AUTS2: variants seen among roughly 807,000 people sequenced by gnomAD.
AUTS2 encodes the protein autism susceptibility gene 2 protein.
A neutral mutation model predicts 112.4 loss-of-function variants in AUTS2; 17 were observed. That is an observed-to-expected ratio of 0.15 (90% CI 0.10 to 0.23). The LOEUF is 0.23. Among genes scored for constraint, AUTS2 ranks in the 10% least tolerant of loss-of-function variants. The pLI is 1.00. For missense variants in AUTS2, 1,510 were observed against 1,701.6 expected (o/e 0.89, Z 1.98); for synonymous variants, 751 against 702.7 (o/e 1.07, Z -1.09).
At chr7:69,704,942 C>T (rs1000324825) in intron 1 of AUTS2, among the ~76,000 whole-genome samples, 1 of 152,188 alleles carries the variant, frequency 6.6e-6, no homozygotes, top group African/African-American at 2.4e-5. Context: ...TCACAACTCA[C>T]TGCAGCCTCA....
intron 1 of AUTS2, among the ~76,000 whole-genome samples, chr7:69,886,923 C>A (rs561062601): frequency 6.6e-6 from 1 of 152,002 alleles, no homozygotes; most frequent in Non-Finnish European, 1.5e-5. Flanking sequence ...TACAGGCATA[C>A]GCCACCACAC....
At chr7:70,625,989 T>G (rs1804919505) in intron 5 of AUTS2, among the ~76,000 whole-genome samples, 1 of 152,106 alleles carries the variant, frequency 6.6e-6, no homozygotes, top group Non-Finnish European at 1.5e-5. Context: ...CTCAGCTCAC[T>G]GCAACCTTCA....
In AUTS2 at chr7:70,470,949, G is replaced by A. The variant is rs963815990; in HGVS notation, c.690+35168G>A. ...GATATCTTTACGGGGAATCATTCCC[G>A]GGGAAGGAAGGGCAGGCTGGAAATA... On this transcript the variant is annotated intron_variant, in intron 5 of 18. Coordinates refer to ENST00000342771, the MANE Select transcript of AUTS2 (RefSeq NM_015570.4). Among the ~76,000 whole-genome samples the A allele has an allele frequency of 4.6e-5, 7 of 152,248 alleles. No individual in the cohort carries two copies. In the East Asian group the frequency reaches 5.8e-4, roughly 13 times the overall value.
chr7:69,979,980 G>A (rs1798227922), intron 2 of AUTS2, among the ~76,000 whole-genome samples: 1 of 152,134 alleles, frequency 6.6e-6, no homozygotes, highest in Non-Finnish European at 1.5e-5. Context: ...AATGAATTAG[G>A]CTTTATAAAC....
chr7:70,125,269 G>A (rs970559973), intron 3 of AUTS2, among the ~76,000 whole-genome samples: 4 of 151,682 alleles, frequency 2.6e-5, no homozygotes, highest in African/African-American at 9.7e-5. Flanking sequence ...GTGTGTGTGT[G>A]TGTGTGTGTG....
intron 1 of AUTS2, among the ~76,000 whole-genome samples, chr7:69,713,460 GTT>G (rs764107255): frequency 6.6e-5 from 9 of 135,746 alleles, no homozygotes; most frequent in Non-Finnish European, 6.4e-5. Context: ...GCTTTCAAGA[GTT>G]TTTTTTTTTT....
intron 5 of AUTS2, among the ~76,000 whole-genome samples, chr7:70,479,523 C>T (rs1003381810): frequency 8.5e-5 from 13 of 152,122 alleles, no homozygotes; most frequent in African/African-American, 1.4e-4. Flanking sequence ...GCCTAGACAC[C>T]GTGGAGCAGA....
At chr7:70,191,540 A>C (rs1485679650) in intron 4 of AUTS2, among the ~76,000 whole-genome samples, 1 of 152,174 alleles carries the variant, frequency 6.6e-6, no homozygotes, top group South Asian at 2.1e-4. Flanking sequence ...CAAATTATCA[A>C]CTTTCATGTC....
intron 2 of AUTS2, among the ~76,000 whole-genome samples, chr7:69,951,669 G>GC (rs1797032536): frequency 6.6e-6 from 1 of 152,288 alleles, no homozygotes; most frequent in African/African-American, 2.4e-5. Flanking sequence ...ATCAGAAGAG[G>GC]CGATTCCAGG....
At chr7:70,649,926 T>A (rs548510372) in intron 5 of AUTS2, among the ~76,000 whole-genome samples, 2 of 152,150 alleles carry the variant, frequency 1.3e-5, no homozygotes, top group Non-Finnish European at 2.9e-5. Context: ...GTTCTTAGAA[T>A]GTGGACAGCC....
intron 5 of AUTS2, chr7:70,596,159 C>A (rs1197301375): frequency 1.3e-5 from 2 of 152,506 alleles, no homozygotes; most frequent in African/African-American, 4.8e-5. Context: ...CGGGCCGGGG[C>A]GCTCCGCGGG....
chr7:70,090,128 G>T (rs1199083878), intron 2 of AUTS2, among the ~76,000 whole-genome samples: 3 of 151,354 alleles, frequency 2.0e-5, no homozygotes, highest in South Asian at 2.1e-4. Flanking sequence ...ATTAGCTGTA[G>T]GTCTTTGTTT....
At chr7:70,316,895 G>C (rs984282445) in intron 4 of AUTS2, 19 of 152,138 alleles carry the variant, frequency 1.2e-4, no homozygotes, top group African/African-American at 4.6e-4. Flanking sequence ...TTTTTGTTTT[G>C]TTTTCTTCCC....
At chr7:69,741,967 A>G (rs920105088) in intron 1 of AUTS2, among the ~76,000 whole-genome samples, 9 of 151,930 alleles carry the variant, frequency 5.9e-5, no homozygotes, top group Non-Finnish European at 1.3e-4. Flanking sequence ...GCTAATTTAA[A>G]AAATTTCTAT....
chr7:70,774,192 C>T (rs546303845), intron 12 of AUTS2, 93 bp downstream of exon 12: 5 of 1,172,320 alleles, frequency 4.3e-6, no homozygotes, highest in Non-Finnish European at 6.3e-6. Flanking sequence ...TCCTTAGCTC[C>T]TTTGAGCGAG....
intron 5 of AUTS2, among the ~76,000 whole-genome samples, chr7:70,696,391 C>CT (rs1437749377): frequency 6.6e-6 from 1 of 152,150 alleles, no homozygotes; most frequent in Non-Finnish European, 1.5e-5. Context: ...GAGACACCCC[C>CT]TTTCCCAGTT....
intron 1 of AUTS2, among the ~76,000 whole-genome samples, chr7:69,674,680 T>C (rs1350827686): frequency 1.3e-5 from 2 of 152,178 alleles, no homozygotes; most frequent in African/African-American, 4.8e-5. Flanking sequence ...TTTAATTTAT[T>C]GGGCAAAAAT....
At chr7:70,683,442 C>T (rs1162802083) in intron 5 of AUTS2, among the ~76,000 whole-genome samples, 1 of 152,190 alleles carries the variant, frequency 6.6e-6, no homozygotes, top group Non-Finnish European at 1.5e-5. Context: ...GAGTACATCA[C>T]AGTCCTGGTC....
intron 2 of AUTS2, among the ~76,000 whole-genome samples, chr7:70,060,012 T>G (rs10234205): frequency 0.37 from 55,890 of 152,006 alleles, 10,826 homozygotes; most frequent in African/African-American, 0.49. Context: ...GCAAGTTAAT[T>G]AGATTTTCTT....
Sources: allele counts gnomAD v4.1 joint callset (sites outside exome capture counted in the v4.1 genomes callset), GRCh38; gene constraint gnomAD v4.1.1; transcripts MANE v1.5; gene names NCBI Gene and HGNC (gene_info 2026-07-23, HGNC 2026-07-21).